SAG: variants seen among roughly 807,000 people sequenced by gnomAD.
SAG encodes S-antigen visual arrestin, also known as S-arrestin.
Under a neutral mutation model 55.0 loss-of-function variants are expected in SAG, and 45 were observed. The ratio of observed to expected loss-of-function variants is 0.82; its 90% CI spans 0.64 to 1.05. The LOEUF is 1.05. Ranked by LOEUF, SAG falls within the 50% of genes least tolerant of loss-of-function variation. SAG has a pLI of 0.00. For missense variants in SAG, 455 were observed against 512.1 expected, an observed-to-expected ratio of 0.89 and a Z score of 1.08; for synonymous variants, 189 against 197.4, an observed-to-expected ratio of 0.96 and a Z score of 0.36.
At chr2:233,329,161 TG>T (rs1272693065) in intron 8 of SAG, 2 of 361,176 alleles carry the variant, frequency 5.5e-6, no homozygotes, top group African/African-American at 4.3e-5. Context: ...TGCCAGGGGC[TG>T]TGTTACACGG....
At position 233,308,413 on chromosome 2, in the gene SAG, G is replaced by T. The variant is rs747366352; in HGVS notation, c.-29+391G>T. On this transcript the variant is annotated intron_variant, in intron 1 of 15. Transcript: ENST00000409110. ...GCCCAGGAGTTCGAGGCTGCGGTGAGCTATGATTGTGGCACTGCCCTCCAG... is the reference window on the plus strand; with the variant it reads ...GCCCAGGAGTTCGAGGCTGCGGTGATCTATGATTGTGGCACTGCCCTCCAG... Among the ~76,000 whole-genome samples, 71 of 152,048 alleles carry T rather than the reference G, an allele frequency of 4.7e-4. 1 individual carries two copies. The highest frequency in any genetic ancestry group is 6.2e-4 in the South Asian group (3 of 4,818).
At chr2:233,327,304 A>T in intron 7 of SAG, 107 bp downstream of exon 7, 1 of 854,716 alleles carries the variant, frequency 1.2e-6, no homozygotes, top group East Asian at 2.5e-5. Context: ...TAGGGCTGGC[A>T]CGGCTGGGGT....
At chr2:233,318,125 C>CACCGCACCTGGCCCATGCCCT (rs1700265201) in intron 3 of SAG, among the ~76,000 whole-genome samples, 1 of 152,078 alleles carries the variant, frequency 6.6e-6, no homozygotes, top group South Asian at 2.1e-4. Context: ...AGGCATGCAC[C>CACCGCACCTGGCCCATGCCCT]ACCGCACCTG....
At chr2:233,343,643 C>CA in intron 14 of SAG, 1 of 1,258,252 alleles carries the variant, frequency 7.9e-7, no homozygotes, top group Non-Finnish European at 1.0e-6. Context: ...AATGAAGCAG[C>CA]AAAAATAATA....
intron 2 of SAG, among the ~76,000 whole-genome samples, chr2:233,313,536 G>A (rs1039720290): frequency 1.1e-4 from 16 of 151,526 alleles, no homozygotes; most frequent in African/African-American, 3.6e-4. Flanking sequence ...TTTGAGACAG[G>A]GTCTTACTCT....
At chr2:233,318,658 A>G (rs987522483) in intron 3 of SAG, 93 bp from the exon 4 acceptor site, 3 of 1,049,178 alleles carry the variant, frequency 2.9e-6, no homozygotes, top group Middle Eastern at 4.1e-4. Flanking sequence ...CATGGATTAC[A>G]TGTGTAATTA....
intron 6 of SAG, among the ~76,000 whole-genome samples, chr2:233,324,282 C>CT (rs1700478475): frequency 1.3e-5 from 2 of 152,092 alleles, no homozygotes; most frequent in South Asian, 4.1e-4. Context: ...GTACCAGCTA[C>CT]TTGGGAGGCT....
chr2:233,317,598 T>C (rs1405892607), intron 3 of SAG, among the ~76,000 whole-genome samples: 1 of 152,226 alleles, frequency 6.6e-6, no homozygotes, highest in East Asian at 1.9e-4. Context: ...CCAAATCCAA[T>C]TCTATAATTT....
At position 233,309,211 on chromosome 2, in the gene SAG, A is replaced by G; in HGVS notation, c.22A>G (p.Ser8Gly). 1.2e-6 allele frequency: 2 copies of G among 1,613,862 alleles called. No individual in the cohort carries two copies. Among genetic ancestry groups the G allele is most frequent in the Non-Finnish European group, 1.7e-6 (2 of 1,179,800 alleles). ...TAACATGGCAGCCAGCGGGAAGACC[A>G]GCAAGTCCGAACCGAACCATGTTAT... Reference protein sequence around the residue: MAASGKTSKSEPNHVIFK... With the variant: MAASGKTGKSEPNHVIFK... The change falls in exon 2 of 16, where the codon AGC (serine) becomes GGC (glycine). Residue 8 changes from serine to glycine, a missense_variant. Transcript: ENST00000409110.
Position 233,327,206 on chromosome 2 carries a change from A to G in SAG, c.512+9A>G, listed in dbSNP as rs1265503287. On this transcript the variant is annotated intron_variant, in intron 7 of 15. Transcript: ENST00000409110. ...GACAAAATCCCCAAGAAGTAAGAGT[A>G]TGGTTGCGGAATAGGTGAGGGGTCT... 7 of 1,611,754 alleles carry G rather than the reference A, an allele frequency of 4.3e-6. No homozygotes were observed. The highest frequency in any genetic ancestry group is 5.9e-6 in the Non-Finnish European group (7 of 1,177,974).
rs758271109 is a variant in SAG, at chr2:233,340,523, A to G, written c.1046+45A>G. On this transcript the variant is annotated intron_variant, in intron 13 of 15. Coordinates refer to ENST00000409110, the MANE Select transcript of SAG (RefSeq NM_000541.5). The surrounding 1 kb of genome is among the most constrained non-coding windows in gnomAD (Gnocchi z 4.2). ...TTGTTTGATTGTTTCTCAAGATATCAAAGGCAGCAAACTTGGGGCTCCAAA... is the reference window on the plus strand; with the variant it reads ...TTGTTTGATTGTTTCTCAAGATATCGAAGGCAGCAAACTTGGGGCTCCAAA... 2.6e-6 allele frequency: 4 copies of G among 1,536,488 alleles called. No homozygotes were observed. The East Asian group carries it at 9.1e-5, about 35-fold the overall frequency.
chr2:233,320,242 C>T (rs896603547), intron 4 of SAG, among the ~76,000 whole-genome samples: 4 of 152,238 alleles, frequency 2.6e-5, no homozygotes, highest in African/African-American at 9.6e-5. Flanking sequence ...ATCTTACCTT[C>T]TTCCTTCATT....
chr2:233,328,799 T>A lies in SAG; in HGVS notation c.648+186T>A, dbSNP rs946040727. On this transcript the variant is annotated intron_variant, in intron 8 of 15. Coordinates refer to ENST00000409110, the MANE Select transcript of SAG (RefSeq NM_000541.5). Reference sequence around the variant, plus strand: ...CACAGCCTGGAGCTGGTCAGCATGGTCCTTAGAGGAGGACGGAACTGGCTT... The same window carrying A: ...CACAGCCTGGAGCTGGTCAGCATGGACCTTAGAGGAGGACGGAACTGGCTT... 1.7e-4 allele frequency: 106 copies of A among 606,044 alleles called. No individual in the cohort carries two copies. The Admixed American group carries it at 3.2e-3, about 18-fold the overall frequency. The allele number at this position is 606,044 out of a possible 1,614,324, so 37.5% of individuals were successfully genotyped here.
At chr2:233,314,562 C>T (rs1434581030) in intron 2 of SAG, among the ~76,000 whole-genome samples, 3 of 152,222 alleles carry the variant, frequency 2.0e-5, no homozygotes, top group Admixed American at 2.0e-4. Context: ...GAAGCTGGGA[C>T]TCGCTGCAGC....
chr2:233,311,615 C>T (rs562290663), intron 2 of SAG, among the ~76,000 whole-genome samples: 2 of 152,236 alleles, frequency 1.3e-5, no homozygotes, highest in South Asian at 4.1e-4. Flanking sequence ...GATGGGCCCC[C>T]GAAGGCTGGC....
At chr2:233,309,318 G>A (rs923882605) in intron 2 of SAG, 54 bp downstream of exon 2, 17 of 1,515,140 alleles carry the variant, frequency 1.1e-5, no homozygotes, top group Non-Finnish European at 1.5e-5. Context: ...AAAAAAAATG[G>A]AGCTTTTTCA....
intron 11 of SAG, among the ~76,000 whole-genome samples, chr2:233,336,430 G>A (rs1008402749): frequency 1.3e-4 from 20 of 151,930 alleles, no homozygotes; most frequent in Admixed American, 6.6e-4. Context: ...CAGGAGAATC[G>A]CTTGAACCCG....
Position 233,340,383 on chromosome 2 carries a change from C to T in SAG, c.1023-72C>T. ...GCCATGAGAGCTGGGCTGTGTCCTG[C>T]CTCTGAATCATGGGAAAGGGTCGTG... is the stretch of plus-strand genomic sequence containing the variant. On this transcript the variant is annotated intron_variant, in intron 12 of 15. Transcript: ENST00000409110. This position sits in a 1 kb window ranked among gnomAD's most constrained non-coding sequence, Gnocchi z 4.2. 2 of 1,377,560 alleles carry T rather than the reference C, an allele frequency of 1.5e-6. No homozygotes were observed. The highest frequency in any genetic ancestry group is 2.3e-5 in the East Asian group (1 of 42,928). The allele number at this position is 1,377,560 out of a possible 1,614,324, so 85.3% of individuals were successfully genotyped here.
intron 11 of SAG, among the ~76,000 whole-genome samples, chr2:233,335,402 C>T (rs747804593): frequency 1.3e-5 from 2 of 152,114 alleles, no homozygotes; most frequent in Non-Finnish European, 2.9e-5. Flanking sequence ...AAAGTGGGGG[C>T]GGTAATAGTT....
Sources: gnomAD v4.1 joint callset for allele counts (sites outside exome capture counted in the v4.1 genomes callset) on GRCh38, gnomAD v4.1.1 for gene constraint, Gnocchi (gnomAD v3.1) non-coding constraint, MANE v1.5 for transcripts, NCBI Gene and HGNC (gene_info 2026-07-23, HGNC 2026-07-21) for gene names.